The following ZNF665 variants were observed in gnomAD, a reference collection of about 807,000 sequenced individuals.
ZNF665 encodes the protein zinc finger protein 665.
Under a neutral mutation model 7.9 loss-of-function variants are expected in ZNF665, and 6 were observed. The observed-to-expected ratio is 0.76, with a 90% CI of 0.42 to 1.50. The LOEUF (loss-of-function observed/expected upper bound fraction) is 1.50, where lower values mean the gene tolerates loss of function less well. Among genes scored for constraint, ZNF665 ranks in the 40% most tolerant of loss-of-function variants. The probability of loss-of-function intolerance (pLI) is 0.01; values close to 1 mark genes in which losing one functional copy is unlikely to be tolerated. For synonymous variants in ZNF665, 242 were observed against 274.5 expected (o/e 0.88, Z 1.17); for missense variants, 819 against 806.7 (o/e 1.02, Z -0.18).
chr19:53,171,518 ATATATATT>A (rs2090657451), intron 3 of ZNF665, among the ~76,000 whole-genome samples: 1 of 82,842 alleles, frequency 1.2e-5, no homozygotes, highest in Non-Finnish European at 2.3e-5. Flanking sequence ...ATATATATAT[ATATATATT>A]TTTTTTTTTT....
At chr19:53,179,249 G>A (rs1286394069) in intron 2 of ZNF665, among the ~76,000 whole-genome samples, 5 of 151,772 alleles carry the variant, frequency 3.3e-5, no homozygotes, top group Non-Finnish European at 7.4e-5. Context: ...GGTGGCGGAC[G>A]CCTGTAGTCC....
rs1475862448 is a variant in ZNF665, at chr19:53,166,379, T to C, written c.143-32A>G. On this transcript the variant is annotated intron_variant, in intron 3 of 3. Transcript: ENST00000396424. ...GATATAAACAACCATAGATTTCCAGTTAACTATAGTAGGTAAATAACTATT... is the reference window on the plus strand; with the variant it reads ...GATATAAACAACCATAGATTTCCAGCTAACTATAGTAGGTAAATAACTATT... 3.3e-6 allele frequency: 5 copies of C among 1,499,850 alleles called. No individual in the cohort carries two copies. The South Asian group carries it at 7.0e-5, about 21-fold the overall frequency. The allele number at this position is 1,499,850 out of a possible 1,614,324, so 92.9% of individuals were successfully genotyped here. A position where few individuals can be genotyped will look rare whatever the true frequency, so the allele number is the denominator to read the frequency against.
intron 1 of ZNF665, 134 bp from the exon 2 acceptor site, chr19:53,183,077 T>TTATACACA: frequency 1.0e-6 from 1 of 971,700 alleles, no homozygotes; most frequent in Non-Finnish European, 1.6e-6. Context: ...ACAGGGAAGA[T>TTATACACA]GGTCCTCTGC....
intron 1 of ZNF665, among the ~76,000 whole-genome samples, chr19:53,184,241 C>T (rs1044719505): frequency 1.3e-4 from 19 of 151,952 alleles, no homozygotes; most frequent in Non-Finnish European, 2.8e-4. Context: ...CAGAGCGAGA[C>T]CCTGTCTCAA....
In ZNF665 at chr19:53,165,574, C is replaced by T; in HGVS notation, c.916G>A (p.Ala306Thr). ...CCAGTATGAATTCTTCGATGACTTGCAAGGTGTGAATTTTGAGTGAAGCAC... is the reference window on the plus strand; with the variant it reads ...CCAGTATGAATTCTTCGATGACTTGTAAGGTGTGAATTTTGAGTGAAGCAC... ...GKCFTQNSHL[A>T]SHRRIHTGEK... is the part of the protein sequence containing the mutation. Residue 306 changes from alanine to threonine, a missense_variant, in exon 4 of 4, where the codon GCA (alanine) becomes ACA (threonine). Ala to Thr is a moderately conservative substitution (Grantham distance 58, BLOSUM62 0). Transcript: ENST00000396424. 2 of 1,613,898 alleles carry T rather than the reference C, an allele frequency of 1.2e-6. No homozygotes were observed. Among genetic ancestry groups the T allele is most frequent in the Non-Finnish European group, 8.5e-7 (1 of 1,179,976 alleles).
chr19:53,189,579 C>G lies in ZNF665; in HGVS notation c.-46+3733G>C, dbSNP rs12232823. Among the ~76,000 whole-genome samples, 684 of 145,910 alleles carry G rather than the reference C, an allele frequency of 4.7e-3. 11 individuals are homozygous for G. Among genetic ancestry groups the G allele is most frequent in the African/African-American group, 0.017 (659 of 39,374 alleles). On this transcript the variant is annotated intron_variant, in intron 1 of 3. Transcript: ENST00000396424. ...CATATCAGGGACTATTAGTACTTTCCCTAATTTACTACTGCTATCTAGAAG... is the reference window on the plus strand; with the variant it reads ...CATATCAGGGACTATTAGTACTTTCGCTAATTTACTACTGCTATCTAGAAG...
intron 2 of ZNF665, among the ~76,000 whole-genome samples, chr19:53,179,240 G>A (rs574994004): frequency 3.9e-5 from 6 of 152,028 alleles, no homozygotes; most frequent in Admixed American, 1.3e-4. Flanking sequence ...GCCAGGCGTG[G>A]TGGCGGACGC....
chr19:53,190,357 A>G (rs1024019593), intron 1 of ZNF665: 10 of 152,184 alleles, frequency 6.6e-5, no homozygotes, highest in African/African-American at 2.2e-4. Context: ...TGTTCATACT[A>G]TTGTCACACT....
At chr19:53,183,639 G>C (rs2090755330) in intron 1 of ZNF665, among the ~76,000 whole-genome samples, 1 of 150,888 alleles carries the variant, frequency 6.6e-6, no homozygotes, top group South Asian at 2.2e-4. Context: ...GAGGGTGGGG[G>C]TGGGGATGGA....
At chr19:53,176,848 G>A (rs1337783047) in intron 2 of ZNF665, among the ~76,000 whole-genome samples, 1 of 152,234 alleles carries the variant, frequency 6.6e-6, no homozygotes, top group Non-Finnish European at 1.5e-5. Context: ...GGCTGGGCAT[G>A]GTGGCTCACG....
intron 1 of ZNF665, among the ~76,000 whole-genome samples, chr19:53,192,965 G>A (rs1000355836): frequency 1.3e-5 from 2 of 152,168 alleles, no homozygotes; most frequent in Non-Finnish European, 1.5e-5. Flanking sequence ...CGGCGCTAAC[G>A]CTCCAGTAGC....
chr19:53,168,235 T>C (rs2090632777), intron 3 of ZNF665, among the ~76,000 whole-genome samples: 1 of 152,060 alleles, frequency 6.6e-6, no homozygotes, highest in Admixed American at 6.6e-5. Context: ...AAAATGCTGC[T>C]AGAACTAGTG....
chr19:53,189,740 G>A (rs1053786782), intron 1 of ZNF665, among the ~76,000 whole-genome samples: 1 of 149,956 alleles, frequency 6.7e-6, no homozygotes, highest in South Asian at 2.2e-4. Context: ...TCCACAAGAG[G>A]TGGAGGAGTA....
Position 53,165,203 on chromosome 19 carries a change from A to C in ZNF665, c.1287T>G (p.Pro429=). 1 of 1,614,080 alleles carries C rather than the reference A, an allele frequency of 6.2e-7. No individual in the cohort carries two copies. The highest frequency in any genetic ancestry group is 1.7e-5 in the Admixed American group (1 of 59,998). ...CTTTGCCACACTCATCACACCTGTA[A>C]GGTTTCTCTCCAGTATGAATTCTTC... is the stretch of plus-strand genomic sequence containing the variant. The part of the protein sequence containing the change: ...NHRRIHTGEK[P]YRCDECGKAF... Residue 429 remains proline (P), a synonymous_variant, in exon 4 of 4, where the codon CCT becomes CCG. Coordinates refer to ENST00000396424, the MANE Select transcript of ZNF665 (RefSeq NM_024733.5).
chr19:53,171,367 G>A (rs952892576), intron 3 of ZNF665, among the ~76,000 whole-genome samples: 6 of 151,552 alleles, frequency 4.0e-5, no homozygotes, highest in African/African-American at 1.5e-4. Context: ...AGTGTATTAA[G>A]CAAATACTTG....
intron 1 of ZNF665, among the ~76,000 whole-genome samples, chr19:53,190,674 C>T (rs111653650): frequency 0.031 from 4,786 of 152,336 alleles, 247 homozygotes; most frequent in African/African-American, 0.11. Flanking sequence ...TAGCTCATGC[C>T]TGTAATCCCG....
intron 3 of ZNF665, among the ~76,000 whole-genome samples, chr19:53,174,285 G>A (rs967581955): frequency 6.6e-6 from 1 of 152,172 alleles, no homozygotes; most frequent in East Asian, 1.9e-4. Context: ...ACAGACGGTT[G>A]TAGATCATGA....
At chr19:53,177,473 G>A (rs190115538) in intron 2 of ZNF665, among the ~76,000 whole-genome samples, 1 of 151,906 alleles carries the variant, frequency 6.6e-6, no homozygotes, top group Admixed American at 6.6e-5. Context: ...CTTGAACCTG[G>A]GAGGCAGAGG....
At position 53,192,395 on chromosome 19, in the gene ZNF665, C is replaced by A. The variant is rs114520896; in HGVS notation, c.-46+917G>T. Among the ~76,000 whole-genome samples the A allele has an allele frequency of 2.7e-3, 414 of 152,222 alleles. 5 individuals carry two copies. The highest frequency in any genetic ancestry group is 8.6e-3 in the African/African-American group (359 of 41,532). ...CTGTCTATCCTGGCTCCAAATACCCCCTCCTCTCCCTAACTCTCCGTCTGA... is the reference window on the plus strand; with the variant it reads ...CTGTCTATCCTGGCTCCAAATACCCACTCCTCTCCCTAACTCTCCGTCTGA... On this transcript the variant is annotated intron_variant, in intron 1 of 3. Coordinates refer to ENST00000396424, the MANE Select transcript of ZNF665 (RefSeq NM_024733.5).
Sources: gnomAD v4.1 joint callset for allele counts (sites outside exome capture counted in the v4.1 genomes callset) on GRCh38, gnomAD v4.1.1 for gene constraint, MANE v1.5 for transcripts, NCBI Gene and HGNC (gene_info 2026-07-23, HGNC 2026-07-21) for gene names.